The following DAB1 variants were observed in gnomAD, a reference collection of about 807,000 sequenced individuals.
DAB1 encodes DAB adaptor protein 1.
Under a neutral mutation model 64.6 loss-of-function variants are expected in DAB1, and 15 were observed. The ratio of observed to expected loss-of-function variants is 0.23; its 90% CI spans 0.16 to 0.36. The LOEUF (loss-of-function observed/expected upper bound fraction) is 0.36, where lower values mean the gene tolerates loss of function less well. DAB1 is among the 10% of genes least tolerant of loss of function. The probability of loss-of-function intolerance (pLI) is 1.00; values close to 1 mark genes in which losing one functional copy is unlikely to be tolerated. For missense variants in DAB1, 596 were observed against 706.7 expected (o/e 0.84, Z 1.78); for synonymous variants, 235 against 251.9 (o/e 0.93, Z 0.64).
chr1:58,472,967 C>T (rs1645377252), intron 3 of DAB1, among the ~76,000 whole-genome samples: 2 of 152,158 alleles, frequency 1.3e-5, no homozygotes. Context: ...GGAATAAACC[C>T]ACTGCCTTCT....
intron 5 of DAB1, among the ~76,000 whole-genome samples, chr1:58,092,606 G>A (rs1390570170): frequency 6.6e-6 from 1 of 152,168 alleles, no homozygotes; most frequent in East Asian, 1.9e-4. Flanking sequence ...TGTATCACAT[G>A]CCTTTCTTAA....
chr1:58,281,943 C>T (rs1001555852), intron 4 of DAB1, among the ~76,000 whole-genome samples: 1 of 152,010 alleles, frequency 6.6e-6, no homozygotes, highest in African/African-American at 2.4e-5. Context: ...CATCACCACC[C>T]CGTCATCATC....
At chr1:58,407,510 G>A (rs910255306) in intron 3 of DAB1, among the ~76,000 whole-genome samples, 8 of 152,142 alleles carry the variant, frequency 5.3e-5, no homozygotes, top group Admixed American at 2.0e-4. Context: ...AAATATTTTC[G>A]GGTGTCACAC....
At chr1:57,928,119 A>G (rs934960427) in intron 5 of DAB1, among the ~76,000 whole-genome samples, 1 of 152,164 alleles carries the variant, frequency 6.6e-6, no homozygotes, top group Non-Finnish European at 1.5e-5. Context: ...TTCTATGTGA[A>G]CATTCTCACT....
intron 5 of DAB1, among the ~76,000 whole-genome samples, chr1:58,130,781 T>C (rs1653499558): frequency 6.6e-6 from 1 of 152,096 alleles, no homozygotes; most frequent in South Asian, 2.1e-4. Flanking sequence ...TGTTGAATAT[T>C]GGCCCCCACT....
intron 5 of DAB1, among the ~76,000 whole-genome samples, chr1:58,137,265 G>T (rs565195341): frequency 6.6e-6 from 1 of 152,124 alleles, no homozygotes; most frequent in Non-Finnish European, 1.5e-5. Context: ...AAAAGGGATC[G>T]TCAGACAACT....
chr1:58,422,064 G>T (rs1644777706), intron 3 of DAB1, among the ~76,000 whole-genome samples: 1 of 151,674 alleles, frequency 6.6e-6, no homozygotes, highest in Admixed American at 6.6e-5. Flanking sequence ...CTTGCCTCAT[G>T]GAACAAGGGT....
chr1:58,421,912 A>G (rs140241750), intron 3 of DAB1, among the ~76,000 whole-genome samples: 1 of 152,266 alleles, frequency 6.6e-6, no homozygotes, highest in African/African-American at 2.4e-5. Context: ...ATCCCAGCTC[A>G]GCCACTTACT....
intron 6 of DAB1, among the ~76,000 whole-genome samples, chr1:57,727,881 A>G (rs1052311574): frequency 6.6e-6 from 1 of 152,118 alleles, no homozygotes; most frequent in Non-Finnish European, 1.5e-5. Flanking sequence ...TCAGCAAATC[A>G]CAGAGATGCA....
intron 6 of DAB1, among the ~76,000 whole-genome samples, chr1:57,726,070 A>G (rs78571032): frequency 0.011 from 1,691 of 152,264 alleles, 32 homozygotes; most frequent in African/African-American, 0.037. Flanking sequence ...TTCTTTCAGT[A>G]ATCTCCCATT....
chr1:58,023,757 T>G (rs1646847381), intron 5 of DAB1, among the ~76,000 whole-genome samples: 1 of 152,202 alleles, frequency 6.6e-6, no homozygotes, highest in Non-Finnish European at 1.5e-5. Context: ...GACAATTTTG[T>G]TTAACCATAT....
At chr1:57,054,470 CTTTTTT>C (rs58175883) in intron 9 of DAB1, among the ~76,000 whole-genome samples, 4 of 69,472 alleles carry the variant, frequency 5.8e-5, no homozygotes, top group South Asian at 6.7e-4. Context: ...CAGGAATGTG[CTTTTTT>C]TTTTTTTTTT....
intron 6 of DAB1, among the ~76,000 whole-genome samples, chr1:57,669,979 T>C (rs984157692): frequency 6.6e-6 from 1 of 152,112 alleles, no homozygotes; most frequent in Non-Finnish European, 1.5e-5. Context: ...TTCTCAAATA[T>C]AACGATATTG....
intron 3 of DAB1, among the ~76,000 whole-genome samples, chr1:58,466,258 C>T (rs1645294937): frequency 6.6e-6 from 1 of 152,172 alleles, no homozygotes; most frequent in Admixed American, 6.5e-5. Flanking sequence ...GTAGGATTGT[C>T]TAAAACACTT....
At chr1:57,200,584 T>C (rs1000138098) in intron 2 of DAB1, among the ~76,000 whole-genome samples, 9 of 148,992 alleles carry the variant, frequency 6.0e-5, no homozygotes, top group African/African-American at 1.3e-4. Context: ...AGTTTCCTCA[T>C]AGGAGTGTGG....
chr1:58,206,415 T>C lies in DAB1; in HGVS notation n.310-55827A>G, dbSNP rs189186396. On this transcript the variant is annotated intron_variant and non_coding_transcript_variant, in intron 4 of 20. Transcript: ENST00000485760. ...TATTTTTAATCTCAGTTGCTATTTT[T>C]TTTAAGGAATAGAATGGGAGGCAGG... 7.2e-5 allele frequency among the ~76,000 whole-genome samples: 11 copies of C among 152,340 alleles called. No individual in the cohort carries two copies. The East Asian group carries it at 2.1e-3, about 29-fold the overall frequency.
chr1:57,586,598 G>T (rs972386063), intron 7 of DAB1, among the ~76,000 whole-genome samples: 1 of 151,690 alleles, frequency 6.6e-6, no homozygotes. Flanking sequence ...TTCTTCCTCT[G>T]GTAGGCAAGT....
chr1:58,024,291 AAAG>A (rs1203717629), intron 5 of DAB1, among the ~76,000 whole-genome samples: 1 of 152,162 alleles, frequency 6.6e-6, no homozygotes, highest in African/African-American at 2.4e-5. Flanking sequence ...AAAGATCACA[AAAG>A]AAGCTCGGGG....
intron 6 of DAB1, among the ~76,000 whole-genome samples, chr1:57,692,446 A>T (rs1381683719): frequency 6.6e-6 from 1 of 152,092 alleles, no homozygotes; most frequent in African/African-American, 2.4e-5. Flanking sequence ...AGGAGACAGA[A>T]CGAGGAAGAG....
Sources: gnomAD v4.1 joint callset for allele counts (sites outside exome capture counted in the v4.1 genomes callset) on GRCh38, gnomAD v4.1.1 for gene constraint, MANE v1.5 for transcripts, NCBI Gene and HGNC (gene_info 2026-07-23, HGNC 2026-07-21) for gene names.